Variants in MYO3B observed in about 807,000 individuals in gnomAD.
The protein encoded by MYO3B is myosin IIIB.
MYO3B carries 156 observed loss-of-function variants against 174.6 expected under a neutral mutation model. The ratio of observed to expected loss-of-function variants is 0.89; its 90% confidence interval spans 0.78 to 1.02. MYO3B has a LOEUF of 1.02. Among genes scored for constraint, MYO3B ranks in the 50% least tolerant of loss-of-function variants. The probability of loss-of-function intolerance (pLI) is 0.00; values close to 1 mark genes in which losing one functional copy is unlikely to be tolerated. For synonymous variants in MYO3B, 563 were observed against 569.1 expected (o/e 0.99, Z 0.15); for missense variants, 1,632 against 1,639.4 (o/e 1.00, Z 0.08).
At chr2:170,286,873 C>T (rs551002916) in intron 7 of MYO3B, among the ~76,000 whole-genome samples, 1 of 151,828 alleles carries the variant, frequency 6.6e-6, no homozygotes, top group Non-Finnish European at 1.5e-5. Flanking sequence ...CCTCTTCATC[C>T]CTCCCTCCCT....
At chr2:170,436,496 T>C (rs947953122) in intron 22 of MYO3B, among the ~76,000 whole-genome samples, 4 of 152,200 alleles carry the variant, frequency 2.6e-5, no homozygotes, top group Non-Finnish European at 5.9e-5. Flanking sequence ...TTCAAAGGGT[T>C]CTTTCTGGGC....
intron 7 of MYO3B, among the ~76,000 whole-genome samples, chr2:170,285,616 T>C (rs2093550196): frequency 6.6e-6 from 1 of 152,116 alleles, no homozygotes; most frequent in Admixed American, 6.6e-5. Flanking sequence ...CCGCCTCCCT[T>C]GTCCTCTCAA....
intron 32 of MYO3B, among the ~76,000 whole-genome samples, chr2:170,609,263 A>G (rs1006845158): frequency 6.6e-6 from 1 of 152,226 alleles, no homozygotes; most frequent in Admixed American, 6.5e-5. Context: ...TAACATTAAC[A>G]TAATGGAAAA....
chr2:170,364,653 T>C (rs1199292586), intron 8 of MYO3B, among the ~76,000 whole-genome samples: 3 of 152,164 alleles, frequency 2.0e-5, no homozygotes, highest in Admixed American at 2.0e-4. Context: ...CCAAATCAGG[T>C]TAAAGGATTC....
intron 23 of MYO3B, among the ~76,000 whole-genome samples, chr2:170,454,549 CA>C (rs1575005211): frequency 6.6e-6 from 1 of 152,210 alleles, no homozygotes; most frequent in East Asian, 1.9e-4. Context: ...CCAGTAGAGA[CA>C]GTGCCCGAGT....
intron 25 of MYO3B, among the ~76,000 whole-genome samples, chr2:170,473,299 T>A (rs1411077850): frequency 6.6e-6 from 1 of 151,850 alleles, no homozygotes; most frequent in African/African-American, 2.4e-5. Context: ...CCTACCACCA[T>A]GCCCAGCTAA....
At chr2:170,564,974 A>G (rs140202268) in intron 32 of MYO3B, among the ~76,000 whole-genome samples, 425 of 152,188 alleles carry the variant, frequency 2.8e-3, no homozygotes, top group African/African-American at 9.7e-3. Flanking sequence ...TATATTCTCT[A>G]TTCTTTTGCT....
chr2:170,351,991 C>T (rs935489781), intron 8 of MYO3B, among the ~76,000 whole-genome samples: 4 of 152,160 alleles, frequency 2.6e-5, no homozygotes, highest in Non-Finnish European at 4.4e-5. Flanking sequence ...CTCGCTCCGT[C>T]GCCCAGGCTA....
At chr2:170,192,309 T>A (rs902257641) in intron 1 of MYO3B, among the ~76,000 whole-genome samples, 1 of 150,238 alleles carries the variant, frequency 6.7e-6, no homozygotes, top group African/African-American at 2.4e-5. Flanking sequence ...CAATTTTTTT[T>A]ATTTGTATTT....
chr2:170,179,128 G>C (rs774611891), intron 1 of MYO3B, among the ~76,000 whole-genome samples: 4 of 152,120 alleles, frequency 2.6e-5, no homozygotes, highest in African/African-American at 4.8e-5. Context: ...GGGCTTAATA[G>C]GTGCAGCCAA....
intron 6 of MYO3B, among the ~76,000 whole-genome samples, chr2:170,228,421 G>A (rs2092976155): frequency 1.3e-5 from 2 of 152,186 alleles, no homozygotes; most frequent in Admixed American, 1.3e-4. Flanking sequence ...CAAGGACAGT[G>A]GGATTGCACT....
chr2:170,248,582 G>T (rs143775306), intron 7 of MYO3B, among the ~76,000 whole-genome samples: 1 of 152,132 alleles, frequency 6.6e-6, no homozygotes, highest in Non-Finnish European at 1.5e-5. Flanking sequence ...CTGTTTTCTT[G>T]CCTTTTCCAG....
At chr2:170,628,790 T>C (rs1013645692) in intron 32 of MYO3B, among the ~76,000 whole-genome samples, 1 of 152,206 alleles carries the variant, frequency 6.6e-6, no homozygotes, top group African/African-American at 2.4e-5. Flanking sequence ...CAGCATCTTT[T>C]GTGAAGCTTT....
At position 170,651,657 on chromosome 2, in the gene MYO3B, C is replaced by G; in HGVS notation, c.3763C>G (p.Arg1255Gly). ...GSENGLAQKH[R>G]TPRRRCQQPK... is the part of the protein sequence containing the mutation. ...AGAAAATGGTCTTGCACAGAAGCAT[C>G]GAACACCTCGCCGACGATGTCAGCA... The change falls in exon 33 of 35, where the codon CGA (arginine) becomes GGA (glycine). Residue 1255 changes from arginine to glycine, a missense_variant. Coordinates refer to ENST00000408978, the MANE Select transcript of MYO3B (RefSeq NM_138995.5). 2 of 1,614,086 alleles carry G rather than the reference C, an allele frequency of 1.2e-6. No individual in the cohort carries two copies. Among genetic ancestry groups the G allele is most frequent in the Non-Finnish European group, 1.7e-6 (2 of 1,180,012 alleles).
rs146378669 is a variant in MYO3B, at chr2:170,299,030, A to G, written c.750-36355A>G. On this transcript the variant is annotated intron_variant, in intron 7 of 34. Transcript: ENST00000408978. ...TGGTAGGCTAGGTTTGTGTAAGTATATTCTATGATGTTCACACAAGGACAG... is the reference window on the plus strand; with the variant it reads ...TGGTAGGCTAGGTTTGTGTAAGTATGTTCTATGATGTTCACACAAGGACAG... 2.6e-4 allele frequency among the ~76,000 whole-genome samples: 40 copies of G among 152,324 alleles called. No individual in the cohort carries two copies. In the East Asian group the frequency reaches 7.3e-3, roughly 28 times the overall value.
intron 32 of MYO3B, among the ~76,000 whole-genome samples, chr2:170,581,801 A>G (rs1444779384): frequency 6.6e-6 from 1 of 152,230 alleles, no homozygotes; most frequent in East Asian, 1.9e-4. Context: ...TTTACTGTAT[A>G]TACAATAATA....
intron 30 of MYO3B, among the ~76,000 whole-genome samples, chr2:170,540,668 A>T (rs1291961032): frequency 1.0e-4 from 15 of 150,356 alleles, no homozygotes; most frequent in African/African-American, 3.8e-4. Context: ...AAAACAACAA[A>T]AAAAACAAAA....
chr2:170,297,247 A>T (rs72889487), intron 7 of MYO3B, among the ~76,000 whole-genome samples: 1 of 151,828 alleles, frequency 6.6e-6, no homozygotes, highest in Admixed American at 6.6e-5. Context: ...TTTCCCCCCA[A>T]TACCCCTTCC....
Position 170,407,722 on chromosome 2 carries a change from A to G in MYO3B, c.2528A>G (p.Tyr843Cys). ...TTGCTATTCATGTTACAGGTATTAT[A>G]TGATGCTTCTGGGGTTCTTGAGAAA... ...GIQHYAGKVL[Y>C]DASGVLEKNR... is the part of the protein sequence containing the mutation. Residue 843 changes from tyrosine to cysteine, a missense_variant, in exon 22 of 35, where the codon TAT (tyrosine) becomes TGT (cysteine). Physicochemically the swap from Tyr to Cys is radical, Grantham distance 194. Transcript: ENST00000408978. 6.2e-7 allele frequency: 1 copy of G among 1,613,938 alleles called. No homozygotes were observed. The highest frequency in any genetic ancestry group is 1.1e-5 in the South Asian group (1 of 91,068).
Sources: allele counts gnomAD v4.1 joint callset (sites outside exome capture counted in the v4.1 genomes callset), GRCh38; gene constraint gnomAD v4.1.1; transcripts MANE v1.5; gene names NCBI Gene and HGNC (gene_info 2026-07-23, HGNC 2026-07-21).